PXDNL: variants seen among roughly 807,000 people sequenced by gnomAD.
PXDNL encodes the protein peroxidasin like.
PXDNL carries 145 observed loss-of-function variants against 150.8 expected under a neutral mutation model. The observed-to-expected ratio is 0.96, with a 90% CI of 0.84 to 1.10. The LOEUF (loss-of-function observed/expected upper bound fraction) is 1.10. PXDNL is among the 50% of genes least tolerant of loss of function. The pLI is 0.00. For missense variants in PXDNL, 2,087 were observed against 1,873.9 expected (o/e 1.11, Z -2.10); for synonymous variants, 757 against 725.7 (o/e 1.04, Z -0.69).
chr8:51,545,799 C>T (rs147553145), intron 4 of PXDNL, among the ~76,000 whole-genome samples: 4 of 152,344 alleles, frequency 2.6e-5, no homozygotes, highest in Non-Finnish European at 5.9e-5. Context: ...AAAGTCCAAC[C>T]TCTTAATATT....
rs1383411892 is a variant in PXDNL, at chr8:51,600,327, C to T, written c.237-7629G>A. ...ATATGGTTTAGATAATAAATTATAT[C>T]TTATATAAATTATATCGTTTAGATA... On this transcript the variant is annotated intron_variant, in intron 2 of 22. Coordinates refer to ENST00000356297, the MANE Select transcript of PXDNL (RefSeq NM_144651.5). 1.6e-5 allele frequency among the ~76,000 whole-genome samples: 2 copies of T among 121,764 alleles called. 1 individual carries two copies. The highest frequency in any genetic ancestry group is 3.2e-5 in the Non-Finnish European group (2 of 62,030). The allele number at this position is 121,764 out of a possible 152,430, so 79.9% of individuals were successfully genotyped here. A position where few individuals can be genotyped will look rare whatever the true frequency, so the allele number is the denominator to read the frequency against.
intron 2 of PXDNL, among the ~76,000 whole-genome samples, chr8:51,619,841 T>A (rs1814206597): frequency 6.6e-6 from 1 of 152,208 alleles, no homozygotes; most frequent in Non-Finnish European, 1.5e-5. Flanking sequence ...ACTCCGTCTG[T>A]TAGCATTAGA....
chr8:51,482,488 T>G (rs1037212288), intron 6 of PXDNL, among the ~76,000 whole-genome samples: 5 of 152,130 alleles, frequency 3.3e-5, no homozygotes, highest in African/African-American at 9.7e-5. Context: ...TGGGGGACCG[T>G]TGGGAAGGCA....
intron 4 of PXDNL, among the ~76,000 whole-genome samples, chr8:51,533,890 C>G (rs1811976093): frequency 6.6e-6 from 1 of 150,966 alleles, no homozygotes; most frequent in Admixed American, 6.6e-5. Context: ...AGATTGCAGC[C>G]TCTGCCCAGC....
At chr8:51,525,803 A>AG (rs1396272826) in intron 4 of PXDNL, among the ~76,000 whole-genome samples, 12 of 152,328 alleles carry the variant, frequency 7.9e-5, no homozygotes, top group Admixed American at 4.6e-4. Flanking sequence ...CAGCAGGACC[A>AG]GGGGACAGCT....
chr8:51,632,973 G>C (rs1324397294), intron 2 of PXDNL, among the ~76,000 whole-genome samples: 1 of 152,016 alleles, frequency 6.6e-6, no homozygotes, highest in Non-Finnish European at 1.5e-5. Context: ...GCTGAGTTTT[G>C]GAGTATAAAT....
chr8:51,803,472 G>A (rs1171712431), intron 1 of PXDNL, among the ~76,000 whole-genome samples: 1 of 152,054 alleles, frequency 6.6e-6, no homozygotes, highest in East Asian at 1.9e-4. Flanking sequence ...CAACTTCTTA[G>A]AGGTGGAATT....
chr8:51,381,011 G>A (rs1482392748), intron 17 of PXDNL, among the ~76,000 whole-genome samples: 2 of 151,934 alleles, frequency 1.3e-5, no homozygotes, highest in Non-Finnish European at 2.9e-5. Context: ...ATGTATATAT[G>A]GCATTCAACT....
In PXDNL at chr8:51,618,912, C is replaced by G. The variant is rs534259222; in HGVS notation, c.237-26214G>C. Among the ~76,000 whole-genome samples the G allele has an allele frequency of 4.7e-4, 72 of 152,206 alleles. 1 individual carries two copies. The highest frequency in any genetic ancestry group is 5.3e-4 in the Non-Finnish European group (36 of 68,038). ...GGTGAATCTCCTGAGCTCCAGCATT[C>G]TTTTACGCAGGCAGATGCTTTAGTA... On this transcript the variant is annotated intron_variant, in intron 2 of 22. Coordinates refer to ENST00000356297, the MANE Select transcript of PXDNL (RefSeq NM_144651.5).
rs199792461 is a variant in PXDNL, at chr8:51,642,863, C to T, written c.236+11826G>A. ...GCAAAGTCTCAGGATACAAAATCAACGTGCAAAAATCACAAGCATTCTTAT... is the reference window on the plus strand; with the variant it reads ...GCAAAGTCTCAGGATACAAAATCAATGTGCAAAAATCACAAGCATTCTTAT... On this transcript the variant is annotated intron_variant, in intron 2 of 22. Transcript: ENST00000356297. Among the ~76,000 whole-genome samples the T allele has an allele frequency of 6.0e-3, 915 of 152,172 alleles. 13 individuals are homozygous for T. The highest frequency in any genetic ancestry group is 0.02 in the African/African-American group (837 of 41,536).
At chr8:51,797,622 G>A (rs77095397) in intron 1 of PXDNL, among the ~76,000 whole-genome samples, 57 of 152,256 alleles carry the variant, frequency 3.7e-4, no homozygotes, top group African/African-American at 1.1e-3. Flanking sequence ...TACAAGGTAC[G>A]TGAATGACCT....
chr8:51,523,302 T>A (rs1228495014), intron 4 of PXDNL, among the ~76,000 whole-genome samples: 1 of 152,258 alleles, frequency 6.6e-6, no homozygotes, highest in Admixed American at 6.5e-5. Context: ...TATTATTTAC[T>A]AATATGCTTT....
At position 51,342,058 on chromosome 8, in the gene PXDNL, G is replaced by T. The variant is rs201093548; in HGVS notation, c.4017-2305C>A. Reference sequence around the variant, plus strand: ...AGCACAATATGGAAACAATATAAGTGTCCATCAATGGACAGATGAACAATA... The same window carrying T: ...AGCACAATATGGAAACAATATAAGTTTCCATCAATGGACAGATGAACAATA... On this transcript the variant is annotated intron_variant, in intron 20 of 22. Coordinates refer to ENST00000356297, the MANE Select transcript of PXDNL (RefSeq NM_144651.5). Among the ~76,000 whole-genome samples, 3 of 152,070 alleles carry T rather than the reference G, an allele frequency of 2.0e-5. No individual in the cohort carries two copies. The East Asian group carries it at 5.8e-4, about 29-fold the overall frequency.
chr8:51,448,942 T>C (rs1809743475), intron 11 of PXDNL, 60 bp downstream of exon 11: 1 of 825,154 alleles, frequency 1.2e-6, no homozygotes. Flanking sequence ...TATTTTTTTT[T>C]ACTATCCACA....
intron 1 of PXDNL, among the ~76,000 whole-genome samples, chr8:51,735,539 T>TGTTTG (rs1563304289): frequency 2.7e-4 from 32 of 117,440 alleles, no homozygotes; most frequent in African/African-American, 1.0e-3. Flanking sequence ...TTTTTTTTTT[T>TGTTTG]TTTTTTTTTT....
chr8:51,724,012 G>A (rs1816777925), intron 1 of PXDNL, among the ~76,000 whole-genome samples: 1 of 151,304 alleles, frequency 6.6e-6, no homozygotes. Flanking sequence ...AGGAGTGGAA[G>A]GTGCAGAAAA....
chr8:51,327,348 A>G (rs1435102440), intron 21 of PXDNL, among the ~76,000 whole-genome samples: 2 of 152,264 alleles, frequency 1.3e-5, no homozygotes, highest in African/African-American at 4.8e-5. Flanking sequence ...TTACCAAGTT[A>G]TCTTCTTCAG....
At chr8:51,389,861 A>T (rs1031470329) in intron 17 of PXDNL, among the ~76,000 whole-genome samples, 1 of 152,208 alleles carries the variant, frequency 6.6e-6, no homozygotes, top group African/African-American at 2.4e-5. Context: ...ATGCCTTATA[A>T]AACACATCAT....
intron 1 of PXDNL, among the ~76,000 whole-genome samples, chr8:51,780,890 C>T (rs1484225638): frequency 1.3e-5 from 2 of 151,990 alleles, no homozygotes; most frequent in Non-Finnish European, 2.9e-5. Context: ...GAACTCCTGA[C>T]CTCAGGTGAT....
Sources: allele counts gnomAD v4.1 joint callset (sites outside exome capture counted in the v4.1 genomes callset), GRCh38; gene constraint gnomAD v4.1.1; transcripts MANE v1.5; gene names NCBI Gene and HGNC (gene_info 2026-07-23, HGNC 2026-07-21).